Variants in OPHN1 observed in about 807,000 individuals in gnomAD.
The protein encoded by OPHN1 is oligophrenin-1.
A neutral mutation model predicts 60.7 loss-of-function variants in OPHN1; 11 were observed. The observed-to-expected ratio is 0.18, with a 90% confidence interval of 0.11 to 0.30. The LOEUF is 0.30. OPHN1 is among the 10% of genes least tolerant of loss of function. The probability of loss-of-function intolerance (pLI) is 1.00; values close to 1 mark genes in which losing one functional copy is unlikely to be tolerated. For synonymous variants in OPHN1, 226 were observed against 222.6 expected, an observed-to-expected ratio of 1.02 and a Z score of -0.14; for missense variants, 449 against 611.0, an observed-to-expected ratio of 0.73 and a Z score of 2.80.
rs773257966 is a variant in OPHN1, at chrX:68,390,632, T to G, written c.154+42235A>C. ...GTTAGATAAATTGTGGTGTATTCAC[T>G]GATTTACTAAATGAATAATTATTAA... is the stretch of plus-strand genomic sequence containing the variant. On this transcript the variant is annotated intron_variant, in intron 2 of 24. Coordinates refer to ENST00000355520, the MANE Select transcript of OPHN1 (RefSeq NM_002547.3). 7.6e-4 allele frequency among the ~76,000 whole-genome samples: 85 copies of G among 111,644 alleles called. No homozygotes were observed. The Middle Eastern group carries it at 0.014, about 18-fold the overall frequency.
chrX:68,155,754 T>C (rs2077306683), intron 15 of OPHN1, among the ~76,000 whole-genome samples: 2 of 111,786 alleles, frequency 1.8e-5, no homozygotes, highest in Non-Finnish European at 3.8e-5. Flanking sequence ...GATATCTTAC[T>C]AGAAAACCCA....
chrX:68,312,473 A>G (rs1049947795), intron 2 of OPHN1, among the ~76,000 whole-genome samples: 2 of 110,195 alleles, frequency 1.8e-5, no homozygotes, highest in Non-Finnish European at 3.8e-5. Context: ...GAGATAAATG[A>G]AACCAAAAAC....
At chrX:68,193,994 G>C (rs2077500226) in intron 13 of OPHN1, 42 bp from the exon 14 acceptor site, 1 of 1,063,284 alleles carries the variant, frequency 9.4e-7, no homozygotes, top group South Asian at 1.9e-5. Context: ...TGCTGCAACA[G>C]GTGTCACCTA....
At chrX:68,329,543 G>C (rs1242475728) in intron 2 of OPHN1, among the ~76,000 whole-genome samples, 2 of 112,043 alleles carry the variant, frequency 1.8e-5, no homozygotes, top group Non-Finnish European at 3.8e-5. Context: ...CCTTTTCTTA[G>C]AGCATTTCCT....
intron 2 of OPHN1, among the ~76,000 whole-genome samples, chrX:68,430,356 CTGGGT>C (rs929990550): frequency 1.8e-5 from 2 of 111,769 alleles, no homozygotes; most frequent in African/African-American, 6.5e-5. Context: ...GGGTTAGCTG[CTGGGT>C]TTTATTTTCT....
Position 68,159,523 on chromosome X carries a change from A to C in OPHN1, c.1276+33396T>G, listed in dbSNP as rs193192694. On this transcript the variant is annotated intron_variant, in intron 15 of 24. Transcript: ENST00000355520. ...TTAGAAATAGTAAATGAGAAGTTTAATCAACAAGTTTTTAAAATTATATAC... is the reference window on the plus strand; with the variant it reads ...TTAGAAATAGTAAATGAGAAGTTTACTCAACAAGTTTTTAAAATTATATAC... 1.1e-3 allele frequency among the ~76,000 whole-genome samples: 129 copies of C among 112,356 alleles called. 1 individual carries two copies. Among genetic ancestry groups the C allele is most frequent in the Non-Finnish European group, 1.5e-3 (78 of 53,248 alleles).
intron 2 of OPHN1, among the ~76,000 whole-genome samples, chrX:68,332,241 T>C (rs2078299230): frequency 9.0e-6 from 1 of 111,384 alleles, no homozygotes. Flanking sequence ...AGAACTTTTT[T>C]TTTCATTTCC....
At chrX:68,323,114 A>G (rs1192950169) in intron 2 of OPHN1, among the ~76,000 whole-genome samples, 3 of 111,930 alleles carry the variant, frequency 2.7e-5, no homozygotes, top group Non-Finnish European at 5.6e-5. Flanking sequence ...GGTTAAAGTC[A>G]TGCAAATCTA....
At chrX:68,417,152 G>C (rs2078803287) in intron 2 of OPHN1, among the ~76,000 whole-genome samples, 1 of 110,959 alleles carries the variant, frequency 9.0e-6, no homozygotes, top group Admixed American at 9.7e-5. Flanking sequence ...CTGCAATGCA[G>C]TGGCGCGATC....
chrX:68,411,872 C>T (rs915949713), intron 2 of OPHN1, among the ~76,000 whole-genome samples: 2 of 111,071 alleles, frequency 1.8e-5, no homozygotes, highest in African/African-American at 3.3e-5. Flanking sequence ...TGGTATTTTC[C>T]GAGATTTTCT....
intron 2 of OPHN1, among the ~76,000 whole-genome samples, chrX:68,393,881 C>CTT (rs757567783): frequency 2.0e-4 from 5 of 25,617 alleles, no homozygotes; most frequent in African/African-American, 3.5e-4. Flanking sequence ...ATCCAATAGA[C>CTT]TTTGTTTTTT....
At chrX:68,376,052 G>C (rs1214351818) in intron 2 of OPHN1, among the ~76,000 whole-genome samples, 1 of 111,837 alleles carries the variant, frequency 8.9e-6, no homozygotes, top group African/African-American at 3.3e-5. Context: ...GTTCATAAAA[G>C]ATGTATAAAT....
At chrX:68,294,267 T>G (rs900499617) in intron 3 of OPHN1, among the ~76,000 whole-genome samples, 1 of 108,812 alleles carries the variant, frequency 9.2e-6, no homozygotes, top group African/African-American at 3.4e-5. Context: ...GGTCAGGAGT[T>G]CAAGACCAGC....
chrX:68,264,725 G>A (rs1013573584), intron 5 of OPHN1, among the ~76,000 whole-genome samples: 1 of 112,339 alleles, frequency 8.9e-6, no homozygotes, highest in African/African-American at 3.2e-5. Context: ...AAAGCAGGGC[G>A]AGGCATTGCC....
intron 15 of OPHN1, among the ~76,000 whole-genome samples, chrX:68,159,918 C>T (rs1437588580): frequency 9.1e-6 from 1 of 109,310 alleles, no homozygotes; most frequent in Non-Finnish European, 1.9e-5. Context: ...GACATAAGTG[C>T]ACCCATGCCA....
At chrX:68,278,369 T>C (rs1602292541) in intron 4 of OPHN1, among the ~76,000 whole-genome samples, 1 of 112,276 alleles carries the variant, frequency 8.9e-6, no homozygotes, top group East Asian at 2.8e-4. Context: ...AATCACTGCA[T>C]TCATTGTGTG....
At chrX:68,148,136 A>T (rs760706103) in intron 15 of OPHN1, among the ~76,000 whole-genome samples, 1 of 111,656 alleles carries the variant, frequency 9.0e-6, no homozygotes, top group African/African-American at 3.3e-5. Context: ...ATTAATAAAA[A>T]ATGCCAGTGA....
At chrX:68,062,249 G>A (rs2076895853) in intron 21 of OPHN1, among the ~76,000 whole-genome samples, 1 of 111,887 alleles carries the variant, frequency 8.9e-6, no homozygotes, top group Non-Finnish European at 1.9e-5. Context: ...GTAAAGGCCA[G>A]CAAACTTTTT....
intron 6 of OPHN1, among the ~76,000 whole-genome samples, chrX:68,228,582 C>T (rs974724569): frequency 4.5e-5 from 5 of 111,756 alleles, no homozygotes; most frequent in African/African-American, 9.8e-5. Context: ...TTGGCTTCAT[C>T]CCTGGGCTGC....
Sources: allele counts gnomAD v4.1 joint callset (sites outside exome capture counted in the v4.1 genomes callset), GRCh38; gene constraint gnomAD v4.1.1; transcripts MANE v1.5; gene names NCBI Gene and HGNC (gene_info 2026-07-23, HGNC 2026-07-21).